Variants in MACROD2 observed in about 807,000 individuals in gnomAD.
The protein encoded by MACROD2 is ADP-ribose glycohydrolase MACROD2.
A neutral mutation model predicts 70.4 loss-of-function variants in MACROD2; 36 were observed. The ratio of observed to expected loss-of-function variants is 0.51; its 90% confidence interval spans 0.39 to 0.68. The LOEUF (loss-of-function observed/expected upper bound fraction) is 0.68, where lower values mean the gene tolerates loss of function less well. MACROD2 is among the 30% of genes least tolerant of loss of function. MACROD2 has a pLI of 0.00. For synonymous variants in MACROD2, 172 were observed against 178.8 expected, an observed-to-expected ratio of 0.96 and a Z score of 0.30; for missense variants, 496 against 538.4, an observed-to-expected ratio of 0.92 and a Z score of 0.78.
At chr20:14,616,637 G>T (rs1838583251) in intron 4 of MACROD2, among the ~76,000 whole-genome samples, 1 of 152,038 alleles carries the variant, frequency 6.6e-6, no homozygotes, top group Non-Finnish European at 1.5e-5. Context: ...GGAGGTCCTG[G>T]AATGATATAA....
intron 4 of MACROD2, among the ~76,000 whole-genome samples, chr20:14,560,385 G>A (rs895080123): frequency 1.3e-5 from 2 of 151,082 alleles, no homozygotes; most frequent in African/African-American, 4.9e-5. Flanking sequence ...AGGAACTAAA[G>A]ATAGGATAAA....
intron 8 of MACROD2, among the ~76,000 whole-genome samples, chr20:15,548,301 A>G (rs888123): frequency 0.06 from 9,153 of 152,220 alleles, 835 homozygotes; most frequent in African/African-American, 0.2. Context: ...ATTTTAAAAC[A>G]TATCATAAAT....
chr20:14,042,418 T>C (rs1260813976), intron 2 of MACROD2, among the ~76,000 whole-genome samples: 1 of 152,184 alleles, frequency 6.6e-6, no homozygotes, highest in Non-Finnish European at 1.5e-5. Flanking sequence ...AAGACTCCTG[T>C]GACCTCAAAA....
chr20:13,995,918 C>T lies in MACROD2; in HGVS notation c.46+109C>T. The T allele has an allele frequency of 1.5e-6, 2 of 1,336,758 alleles. No individual in the cohort carries two copies. Among genetic ancestry groups the T allele is most frequent in the Non-Finnish European group, 2.1e-6 (2 of 960,354 alleles). The allele number at this position is 1,336,758 out of a possible 1,614,324, so 82.8% of individuals were successfully genotyped here. A position where few individuals can be genotyped will look rare whatever the true frequency, so the allele number is the denominator to read the frequency against. On this transcript the variant is annotated intron_variant, in intron 1 of 17. Transcript: ENST00000684519. The surrounding 1 kb of genome is among the most constrained non-coding windows in gnomAD (Gnocchi z 4.3). Reference sequence around the variant, plus strand: ...CTCCGCCCGAGCTCCCGCCTCGCGCCCTCCCGGCCGGTGCCGCCTCCCTCC... The same window carrying T: ...CTCCGCCCGAGCTCCCGCCTCGCGCTCTCCCGGCCGGTGCCGCCTCCCTCC...
At chr20:15,386,107 C>G (rs932139252) in intron 6 of MACROD2, among the ~76,000 whole-genome samples, 1 of 152,102 alleles carries the variant, frequency 6.6e-6, no homozygotes. Flanking sequence ...AGTGTATAAT[C>G]AGAAAAGCAG....
intron 4 of MACROD2, chr20:14,621,777 G>A (rs746409366): frequency 6.6e-6 from 1 of 152,102 alleles, no homozygotes; most frequent in Non-Finnish European, 1.5e-5. Context: ...TTCTCCGTTG[G>A]GAAGTGTGTT....
chr20:14,512,864 G>A (rs2085046176), intron 4 of MACROD2, among the ~76,000 whole-genome samples: 1 of 152,162 alleles, frequency 6.6e-6, no homozygotes, highest in East Asian at 1.9e-4. Context: ...AACTATGCAG[G>A]TAGCCAGAGC....
chr20:15,543,110 G>A (rs1001664960), intron 8 of MACROD2, among the ~76,000 whole-genome samples: 11 of 152,100 alleles, frequency 7.2e-5, no homozygotes, highest in Non-Finnish European at 1.0e-4. Context: ...GGAGCTTCCC[G>A]GAATGTTTTA....
At chr20:14,527,268 G>A (rs1294022307) in intron 4 of MACROD2, among the ~76,000 whole-genome samples, 4 of 152,282 alleles carry the variant, frequency 2.6e-5, no homozygotes, top group East Asian at 1.9e-4. Flanking sequence ...CTAGGGTCTC[G>A]CAGGTTTTCG....
intron 4 of MACROD2, among the ~76,000 whole-genome samples, chr20:14,674,211 T>C (rs1260286552): frequency 6.6e-6 from 1 of 152,164 alleles, no homozygotes; most frequent in East Asian, 1.9e-4. Context: ...TTTCCTTTCT[T>C]CTCTGCATGA....
In MACROD2 at chr20:13,995,990, C is replaced by T. The variant is rs182918451; in HGVS notation, c.46+181C>T. On this transcript the variant is annotated intron_variant, in intron 1 of 17. Coordinates refer to ENST00000684519, the MANE Select transcript of MACROD2 (RefSeq NM_001351661.2). This position sits in a 1 kb window ranked among gnomAD's most constrained non-coding sequence, Gnocchi z 4.3. ...GCACACTCGCGCGCACTCCGGCGTG[C>T]ACGCGCCGCCCCTGGGCACCTGCAG... is the stretch of plus-strand genomic sequence containing the variant. Among the ~76,000 whole-genome samples, 10 of 152,264 alleles carry T rather than the reference C, an allele frequency of 6.6e-5. No homozygotes were observed. Among genetic ancestry groups the T allele is most frequent in the Admixed American group, 2.0e-4 (3 of 15,304 alleles).
chr20:14,177,197 T>C (rs2081269311), intron 3 of MACROD2, among the ~76,000 whole-genome samples: 1 of 152,102 alleles, frequency 6.6e-6, no homozygotes, highest in Admixed American at 6.5e-5. Context: ...ATTTGTATTG[T>C]TACAAACATG....
At chr20:14,384,053 T>C (rs1467062344) in intron 3 of MACROD2, among the ~76,000 whole-genome samples, 2 of 152,138 alleles carry the variant, frequency 1.3e-5, no homozygotes, top group Admixed American at 6.6e-5. Context: ...TTTACTAGTT[T>C]TCATATGCTT....
chr20:15,887,472 G>T (rs1054652156), intron 10 of MACROD2, among the ~76,000 whole-genome samples: 5 of 152,104 alleles, frequency 3.3e-5, no homozygotes, highest in Non-Finnish European at 5.9e-5. Flanking sequence ...CTTGGTGCTT[G>T]CTGTTATTTT....
chr20:15,177,782 A>G (rs1187680649), intron 5 of MACROD2, among the ~76,000 whole-genome samples: 1 of 152,194 alleles, frequency 6.6e-6, no homozygotes, highest in East Asian at 1.9e-4. Flanking sequence ...ACTTCAGCTC[A>G]GTTACTTTTG....
At chr20:15,720,251 A>C (rs2050768861) in intron 8 of MACROD2, among the ~76,000 whole-genome samples, 1 of 152,180 alleles carries the variant, frequency 6.6e-6, no homozygotes, top group Non-Finnish European at 1.5e-5. Context: ...ATAGTGCTGC[A>C]ATAAACATGA....
chr20:14,938,475 T>C (rs574977549), intron 5 of MACROD2, among the ~76,000 whole-genome samples: 32 of 152,240 alleles, frequency 2.1e-4, no homozygotes, highest in African/African-American at 7.5e-4. Context: ...TGCTCGATTG[T>C]GACCTTGAAT....
chr20:15,508,717 T>C (rs1048432119), intron 8 of MACROD2, among the ~76,000 whole-genome samples: 2 of 152,222 alleles, frequency 1.3e-5, no homozygotes, highest in Non-Finnish European at 2.9e-5. Flanking sequence ...GATTAGGGTC[T>C]TTCCATGGGA....
chr20:14,334,559 G>A (rs958915001), intron 3 of MACROD2, among the ~76,000 whole-genome samples: 4 of 151,550 alleles, frequency 2.6e-5, no homozygotes, highest in South Asian at 2.1e-4. Flanking sequence ...TTCTGAAGCC[G>A]CAAGTCAGAT....
Sources: gnomAD v4.1 joint callset for allele counts (sites outside exome capture counted in the v4.1 genomes callset) on GRCh38, gnomAD v4.1.1 for gene constraint, Gnocchi (gnomAD v3.1) non-coding constraint, MANE v1.5 for transcripts, NCBI Gene and HGNC (gene_info 2026-07-23, HGNC 2026-07-21) for gene names.